Variants in DIP2C observed in about 807,000 individuals in gnomAD.
DIP2C encodes the protein disco-interacting protein 2 homolog C.
Under a neutral mutation model 192.4 loss-of-function variants are expected in DIP2C, and 33 were observed. The ratio of observed to expected loss-of-function variants is 0.17; its 90% CI spans 0.13 to 0.23. DIP2C has a LOEUF of 0.23. Ranked by LOEUF, DIP2C falls within the 10% of genes least tolerant of loss-of-function variation. DIP2C has a pLI of 1.00. For synonymous variants in DIP2C, 979 were observed against 864.1 expected, an observed-to-expected ratio of 1.13 and a Z score of -2.33; for missense variants, 1,537 against 2,110.1, an observed-to-expected ratio of 0.73 and a Z score of 5.32.
intron 3 of DIP2C, among the ~76,000 whole-genome samples, chr10:455,105 T>TA (rs1564733238): frequency 6.6e-6 from 1 of 152,206 alleles, no homozygotes; most frequent in Non-Finnish European, 1.5e-5. Flanking sequence ...CCAAGGTAGA[T>TA]ACGTGGCTTC....
Position 636,436 on chromosome 10 carries a change from C to A in DIP2C, c.85+53058G>T, listed in dbSNP as rs1423344324. Among the ~76,000 whole-genome samples the A allele has an allele frequency of 6.6e-6, 1 of 152,116 alleles. No individual in the cohort carries two copies. The highest frequency in any genetic ancestry group is 2.4e-5 in the African/African-American group (1 of 41,432). ...TCACTCTCTCTCTCTGTAGATTATA[C>A]AGAGAGACAGATTCGTTTCTCCTCT... On this transcript the variant is annotated intron_variant, in intron 1 of 36. Coordinates refer to ENST00000280886, the MANE Select transcript of DIP2C (RefSeq NM_014974.3). The surrounding 1 kb of genome is among the most constrained non-coding windows in gnomAD (Gnocchi z 4.6).
At chr10:509,535 C>T (rs965486902) in intron 1 of DIP2C, among the ~76,000 whole-genome samples, 5 of 152,310 alleles carry the variant, frequency 3.3e-5, no homozygotes, top group Middle Eastern at 6.8e-3. Context: ...TCACACACAG[C>T]CCATTCCCAT....
chr10:463,807 G>A (rs1158891251), intron 3 of DIP2C, among the ~76,000 whole-genome samples: 5 of 152,074 alleles, frequency 3.3e-5, no homozygotes, highest in South Asian at 4.2e-4. Context: ...ATAGACCAAG[G>A]GAACAGAACA....
At chr10:625,435 A>G (rs765842834) in intron 1 of DIP2C, among the ~76,000 whole-genome samples, 4 of 152,212 alleles carry the variant, frequency 2.6e-5, no homozygotes, top group Non-Finnish European at 5.9e-5. Flanking sequence ...CTCTAATAAC[A>G]GGCTTACGCT....
chr10:441,090 A>AC (rs1564715899), intron 3 of DIP2C, 94 bp from the exon 4 acceptor site: 11 of 1,385,796 alleles, frequency 7.9e-6, no homozygotes, highest in Non-Finnish European at 7.6e-6. Context: ...CAGTTCATCC[A>AC]CCTTCTGAAA....
chr10:643,717 C>G (rs1475787858), intron 1 of DIP2C, among the ~76,000 whole-genome samples: 1 of 152,240 alleles, frequency 6.6e-6, no homozygotes, highest in Admixed American at 6.5e-5. Flanking sequence ...CACTGGGCCC[C>G]CACAATGCAC....
intron 17 of DIP2C, among the ~76,000 whole-genome samples, chr10:373,654 C>T (rs571738797): frequency 3.9e-5 from 6 of 152,254 alleles, no homozygotes; most frequent in Admixed American, 3.9e-4. Context: ...CATAAAATCC[C>T]TCGTGGCTTG....
intron 4 of DIP2C, among the ~76,000 whole-genome samples, chr10:433,752 A>G (rs971388892): frequency 1.2e-4 from 18 of 152,182 alleles, no homozygotes; most frequent in African/African-American, 3.4e-4. Flanking sequence ...TGATCTATAT[A>G]TATTTCTTTA....
chr10:392,240 A>T (rs778663729), intron 10 of DIP2C, among the ~76,000 whole-genome samples: 1 of 152,190 alleles, frequency 6.6e-6, no homozygotes, highest in Non-Finnish European at 1.5e-5. Context: ...TGCAGCAGGA[A>T]GGCGGCTCTG....
intron 3 of DIP2C, among the ~76,000 whole-genome samples, chr10:466,420 T>C (rs1970205883): frequency 7.3e-6 from 1 of 137,580 alleles, no homozygotes; most frequent in African/African-American, 2.7e-5. Context: ...ACGTTAGACC[T>C]AAAACCATAA....
chr10:447,616 TC>T (rs1968373826), intron 3 of DIP2C, among the ~76,000 whole-genome samples: 1 of 84,128 alleles, frequency 1.2e-5, no homozygotes, highest in South Asian at 4.4e-4. Flanking sequence ...GACCCACTCA[TC>T]CCTGTCTATA....
intron 1 of DIP2C, among the ~76,000 whole-genome samples, chr10:612,656 CCACAG>C (rs1466398556): frequency 6.6e-6 from 1 of 152,174 alleles, no homozygotes; most frequent in African/African-American, 2.4e-5. Flanking sequence ...AAGGGCCCGG[CCACAG>C]CTCACATCAG....
At chr10:646,713 A>G (rs1358418346) in intron 1 of DIP2C, among the ~76,000 whole-genome samples, 1 of 152,248 alleles carries the variant, frequency 6.6e-6, no homozygotes, top group African/African-American at 2.4e-5. Flanking sequence ...CAAACACACA[A>G]GCAGAATTTT....
At chr10:436,725 T>G (rs1438219961) in intron 4 of DIP2C, among the ~76,000 whole-genome samples, 1 of 107,076 alleles carries the variant, frequency 9.3e-6, no homozygotes. Context: ...ACACCTGAGA[T>G]CTCTCTGAGC....
chr10:337,794 T>G (rs1291310056), intron 29 of DIP2C, among the ~76,000 whole-genome samples: 90 of 1,084 alleles, frequency 0.083, 2 homozygotes, highest in Non-Finnish European at 0.18. Flanking sequence ...CAGCTGTGTG[T>G]GTGCACGTGT....
At chr10:440,280 T>C (rs1967623267) in intron 4 of DIP2C, among the ~76,000 whole-genome samples, 3 of 152,234 alleles carry the variant, frequency 2.0e-5, no homozygotes, top group Admixed American at 2.0e-4. Context: ...CCGCTGTTCT[T>C]ATAAAGTTTT....
At chr10:645,698 G>A (rs1855411619) in intron 1 of DIP2C, among the ~76,000 whole-genome samples, 1 of 152,084 alleles carries the variant, frequency 6.6e-6, no homozygotes. Flanking sequence ...TCCTATGAAC[G>A]TGGTCTTAAA....
intron 17 of DIP2C, 121 bp from the exon 18 acceptor site, chr10:369,754 C>G: frequency 2.6e-6 from 4 of 1,539,520 alleles, no homozygotes; most frequent in Non-Finnish European, 3.6e-6. Flanking sequence ...GCACCCCAGG[C>G]ACAGTGCTGG....
chr10:528,100 C>CA lies in DIP2C; in HGVS notation c.86-41571dup, dbSNP rs1394003332. Among the ~76,000 whole-genome samples the CA allele has an allele frequency of 5.3e-5, 8 of 152,268 alleles. No individual in the cohort carries two copies. The East Asian group carries it at 1.5e-3, about 29-fold the overall frequency. On this transcript the variant is annotated intron_variant, in intron 1 of 36. Transcript: ENST00000280886. ...CTGGATCCCTGAATACCTCATGGAG[C>CA]AGTCACCAGCCTGGAACATCCCCCC...
Sources: gnomAD v4.1 joint callset for allele counts (sites outside exome capture counted in the v4.1 genomes callset) on GRCh38, gnomAD v4.1.1 for gene constraint, Gnocchi (gnomAD v3.1) non-coding constraint, MANE v1.5 for transcripts, NCBI Gene and HGNC (gene_info 2026-07-23, HGNC 2026-07-21) for gene names.